The following SLC4A8 variants were observed in gnomAD, a reference collection of about 807,000 sequenced individuals.
The protein encoded by SLC4A8 is electroneutral sodium bicarbonate exchanger 1.
In SLC4A8, 40 loss-of-function variants were observed where a neutral mutation model predicts 125.0. That is an observed-to-expected ratio of 0.32 (90% CI 0.25 to 0.42). The LOEUF (loss-of-function observed/expected upper bound fraction) is 0.42. Among genes scored for constraint, SLC4A8 ranks in the 10% least tolerant of loss-of-function variants. The probability of loss-of-function intolerance (pLI) is 1.00; values close to 1 mark genes in which losing one functional copy is unlikely to be tolerated. For synonymous variants in SLC4A8, 456 were observed against 476.0 expected (o/e 0.96, Z 0.55); for missense variants, 863 against 1,355.1 (o/e 0.64, Z 5.70).
At chr12:51,424,066 C>CAAAAAAAAAAAAAAA (rs60139804), upstream of SLC4A8, among the ~76,000 whole-genome samples, 1 of 106,232 alleles carries the variant, frequency 9.4e-6, no homozygotes, top group African/African-American at 3.7e-5. Context: ...AAAAAAACAA[C>CAAAAAAAAAAAAAAA]AAAAAAAAAA....
chr12:51,408,558 TGTG>T lies in SLC4A8; in HGVS notation c.-112+17078_-112+17080del, dbSNP rs1446938098. On this transcript the variant is annotated intron_variant, in intron 1 of 24. Transcript: ENST00000358657. ...GGCCTATAATGGGTTTTCTGAGAGA[TGTG>T]GTGGTGGAGCTTTGAGATGGCAAAG... is the stretch of plus-strand genomic sequence containing the variant. Among the ~76,000 whole-genome samples the T allele has an allele frequency of 1.3e-5, 2 of 152,126 alleles. 1 individual carries two copies. Among genetic ancestry groups the T allele is most frequent in the Non-Finnish European group, 2.9e-5 (2 of 68,024 alleles).
intron 1 of SLC4A8, among the ~76,000 whole-genome samples, chr12:51,413,556 C>T (rs1414191101): frequency 6.6e-6 from 1 of 152,182 alleles, no homozygotes; most frequent in Non-Finnish European, 1.5e-5. Context: ...CCTGGTCTTA[C>T]ATTTAAGCCT....
At chr12:51,400,945 C>T (rs755194819) in intron 1 of SLC4A8, among the ~76,000 whole-genome samples, 27 of 150,778 alleles carry the variant, frequency 1.8e-4, no homozygotes, top group South Asian at 6.3e-4. Flanking sequence ...GGCACCGTCA[C>T]GGTGAAACGG....
intron 22 of SLC4A8, among the ~76,000 whole-genome samples, chr12:51,499,353 C>G (rs1937737803): frequency 6.6e-6 from 1 of 151,152 alleles, no homozygotes. Context: ...GCACCCCCCA[C>G]ACACGTGAAA....
chr12:51,437,985 A>T (rs1301688161), intron 1 of SLC4A8, among the ~76,000 whole-genome samples: 2 of 152,256 alleles, frequency 1.3e-5, no homozygotes, highest in African/African-American at 4.8e-5. Context: ...TTCTTTTAAA[A>T]CGTTTAATTT....
Position 51,469,788 on chromosome 12 carries a change from A to G in SLC4A8, c.1524A>G (p.Ile508Met), listed in dbSNP as rs1233093529. ...TTGGAGAAGCCACTGAGGGACGCAT[A>G]GTAAGGACTTTTAACCACTTCTAAT... is the stretch of plus-strand genomic sequence containing the variant. ...GLLGEATEGRISAIESLFGAS... is the reference protein window; with the variant it reads ...GLLGEATEGRMSAIESLFGAS... The change falls in exon 12 of 25, where the codon ATA becomes ATG. Residue 508 changes from isoleucine (I) to methionine (M), a missense_variant and splice_region_variant. Ile to Met is a conservative substitution (Grantham distance 10, BLOSUM62 1). Transcript: ENST00000453097. The G allele has an allele frequency of 1.2e-6, 2 of 1,614,034 alleles. No homozygotes were observed. Among genetic ancestry groups the G allele is most frequent in the Admixed American group, 1.7e-5 (1 of 59,990 alleles).
At chr12:51,447,714 C>CTTTTTTTT (rs1239053396) in intron 2 of SLC4A8, among the ~76,000 whole-genome samples, 1 of 125,712 alleles carries the variant, frequency 8.0e-6, no homozygotes, top group Non-Finnish European at 1.7e-5. Flanking sequence ...GGGATTTCCA[C>CTTTTTTTT]TTTTTTTTTT....
At chr12:51,477,665 T>A (rs537969965) in intron 16 of SLC4A8, among the ~76,000 whole-genome samples, 2 of 152,326 alleles carry the variant, frequency 1.3e-5, no homozygotes, top group Admixed American at 1.3e-4. Flanking sequence ...AGTTATCATG[T>A]GAAGTTCCCC....
At chr12:51,428,408 G>A (rs1171621021) in intron 1 of SLC4A8, among the ~76,000 whole-genome samples, 4 of 152,096 alleles carry the variant, frequency 2.6e-5, no homozygotes, top group African/African-American at 4.8e-5. Flanking sequence ...CAGCTCTCCC[G>A]TATCCAAAGC....
At position 51,514,317 on chromosome 12, in the gene SLC4A8, C is replaced by T. The variant is rs572669120; in HGVS notation, c.*6879C>T. 159 of 152,752 alleles carry T rather than the reference C, an allele frequency of 1.0e-3. No individual in the cohort carries two copies. Among genetic ancestry groups the T allele is most frequent in the Non-Finnish European group, 2.1e-3 (140 of 68,050 alleles). The allele number at this position is 152,752 out of a possible 1,614,324, so 9.5% of individuals were successfully genotyped here. On this transcript the variant is annotated 3_prime_UTR_variant, in exon 25 of 25. Coordinates refer to ENST00000453097, the MANE Select transcript of SLC4A8 (RefSeq NM_001039960.3). ...CTTTCTTCTGGTCATAGGTGTTGGG[C>T]CTCCCATTAGGTAGAAGTCCTTTGA...
chr12:51,471,600 T>A (rs1950701226), intron 14 of SLC4A8, 68 bp downstream of exon 14: 2 of 1,512,654 alleles, frequency 1.3e-6, no homozygotes, highest in South Asian at 2.6e-5. Context: ...TGATGTAGAG[T>A]GCTAGGCAGT....
intron 19 of SLC4A8, 79 bp from the exon 20 acceptor site, chr12:51,493,625 G>A (rs1951380062): frequency 1.1e-6 from 1 of 913,536 alleles, no homozygotes; most frequent in Admixed American, 1.7e-5. Context: ...CATTCTTGGA[G>A]ATTTAAAAGT....
chr12:51,489,762 C>G lies in SLC4A8; in HGVS notation c.2511C>G (p.Ile837Met), dbSNP rs779667166. The change falls in exon 19 of 25, where the codon ATC becomes ATG. Residue 837 changes from isoleucine to methionine, a missense_variant. Coordinates refer to ENST00000453097, the MANE Select transcript of SLC4A8 (RefSeq NM_001039960.3). The part of the protein sequence containing the change: ...MVAIMLGVCS[I>M]MGLPWFVAAT... Reference sequence around the variant, plus strand: ...CCATCATGCTGGGTGTCTGCTCCATCATGGGCCTGCCCTGGTTTGTAGCTG... The same window carrying G: ...CCATCATGCTGGGTGTCTGCTCCATGATGGGCCTGCCCTGGTTTGTAGCTG... The G allele has an allele frequency of 4.3e-6, 7 of 1,614,112 alleles. No homozygotes were observed. Among genetic ancestry groups the G allele is most frequent in the African/African-American group, 1.3e-5 (1 of 74,928 alleles).
At chr12:51,488,664 C>A in intron 17 of SLC4A8, 35 bp from the exon 18 acceptor site, 1 of 1,563,520 alleles carries the variant, frequency 6.4e-7, no homozygotes. Context: ...ATGACTATAA[C>A]TTAAAATACA....
At chr12:51,485,462 A>G (rs1267781076) in intron 16 of SLC4A8, among the ~76,000 whole-genome samples, 1 of 152,138 alleles carries the variant, frequency 6.6e-6, no homozygotes, top group Admixed American at 6.5e-5. Context: ...TTTGGCTAGC[A>G]CTGAGGACCT....
intron 3 of SLC4A8, 34 bp downstream of exon 3, chr12:51,451,056 G>A (rs539607056): frequency 2.1e-6 from 3 of 1,422,852 alleles, no homozygotes; most frequent in Admixed American, 6.2e-5. Context: ...GGGTGTCCAT[G>A]GCCCAGGGGA....
intron 11 of SLC4A8, among the ~76,000 whole-genome samples, chr12:51,466,943 ATG>A (rs5798175): frequency 0.9 from 133,814 of 149,342 alleles, 59,965 homozygotes; most frequent in Non-Finnish European, 0.93. Flanking sequence ...GCCTCAGAGT[ATG>A]TGTGTGTGTG....
At chr12:51,471,171 A>T in intron 13 of SLC4A8, 116 bp from the exon 14 acceptor site, 1 of 924,516 alleles carries the variant, frequency 1.1e-6, no homozygotes, top group Non-Finnish European at 1.7e-6. Flanking sequence ...AATCAGAATT[A>T]GGGATAAACT....
intron 14 of SLC4A8, 22 bp downstream of exon 14, chr12:51,471,554 T>C: frequency 1.2e-6 from 2 of 1,605,724 alleles, no homozygotes; most frequent in Non-Finnish European, 1.7e-6. Context: ...TTCTGCTTAT[T>C]TTTAAAAATT....
Sources: gnomAD v4.1 joint callset for allele counts (sites outside exome capture counted in the v4.1 genomes callset) on GRCh38, gnomAD v4.1.1 for gene constraint, MANE v1.5 for transcripts, NCBI Gene and HGNC (gene_info 2026-07-23, HGNC 2026-07-21) for gene names.